RAB38: variants seen among roughly 807,000 people sequenced by gnomAD.
RAB38 encodes RAB38, member RAS oncogene family.
In RAB38, 15 loss-of-function variants were observed where a neutral mutation model predicts 18.4. The ratio of observed to expected loss-of-function variants is 0.82; its 90% CI spans 0.55 to 1.26. RAB38 has a LOEUF of 1.26. RAB38 is among the 50% of genes most tolerant of loss of function. The pLI is 0.00. For synonymous variants in RAB38, 101 were observed against 104.4 expected (o/e 0.97, Z 0.20); for missense variants, 294 against 267.4 (o/e 1.10, Z -0.69).
the RAB38 span, among the ~76,000 whole-genome samples, chr11:87,832,318 C>G: frequency 6.6e-6 from 1 of 152,114 alleles, no homozygotes; most frequent in African/African-American, 2.4e-5. Flanking sequence ...TTAAAACAAT[C>G]AATCAGTCAC....
chr11:88,037,870 CTGTTAT>C, the RAB38 span, among the ~76,000 whole-genome samples: 4 of 151,898 alleles, frequency 2.6e-5, no homozygotes, highest in African/African-American at 7.3e-5. Flanking sequence ...TTTCAATCTT[CTGTTAT>C]TGTTATTGAG....
chr11:88,032,030 A>T, the RAB38 span, among the ~76,000 whole-genome samples: 5 of 151,004 alleles, frequency 3.3e-5, no homozygotes, highest in African/African-American at 1.2e-4. Flanking sequence ...ACCAAAACAG[A>T]GATATAGATC....
the RAB38 span, among the ~76,000 whole-genome samples, chr11:87,918,247 C>T: frequency 2.0e-5 from 3 of 152,126 alleles, no homozygotes; most frequent in African/African-American, 7.2e-5. Flanking sequence ...AATAGTACTT[C>T]ATCATGTATA....
chr11:87,976,349 A>C, the RAB38 span, among the ~76,000 whole-genome samples: 1 of 143,044 alleles, frequency 7.0e-6, no homozygotes, highest in Non-Finnish European at 1.5e-5. Context: ...ATATATATAA[A>C]ATATAAATAT....
the RAB38 span, among the ~76,000 whole-genome samples, chr11:88,033,446 G>C: frequency 6.6e-6 from 1 of 151,916 alleles, no homozygotes; most frequent in South Asian, 2.1e-4. Flanking sequence ...ATGAACCTTT[G>C]ATTCCTGGTA....
the RAB38 span, among the ~76,000 whole-genome samples, chr11:87,819,703 TATATATATATATAC>T: frequency 0.32 from 2,139 of 6,712 alleles, 54 homozygotes; most frequent in African/African-American, 0.4. Context: ...TGTGTGTGTG[TATATATATATATAC>T]GTGTATGTAT....
chr11:87,971,683 C>A, the RAB38 span, among the ~76,000 whole-genome samples: 1 of 152,094 alleles, frequency 6.6e-6, no homozygotes, highest in Admixed American at 6.6e-5. Context: ...TAGACAGAGG[C>A]ATAACCAGGT....
chr11:88,031,044 T>C, the RAB38 span, among the ~76,000 whole-genome samples: 1 of 150,800 alleles, frequency 6.6e-6, no homozygotes, highest in Non-Finnish European at 1.5e-5. Flanking sequence ...TCAAGTGGGC[T>C]TCATCCCTGG....
At chr11:88,087,307 AT>A in the RAB38 span, among the ~76,000 whole-genome samples, 6 of 152,060 alleles carry the variant, frequency 3.9e-5, no homozygotes, top group East Asian at 1.2e-3. Flanking sequence ...ATCATAGAGA[AT>A]GTATTAGTCC....
chr11:88,043,444 T>C, the RAB38 span, among the ~76,000 whole-genome samples: 1 of 152,152 alleles, frequency 6.6e-6, no homozygotes, highest in African/African-American at 2.4e-5. Flanking sequence ...AGCCATCCCC[T>C]GTGACCTGCA....
chr11:88,125,673 C>G (rs1942686476), intron 2 of RAB38, among the ~76,000 whole-genome samples: 1 of 152,206 alleles, frequency 6.6e-6, no homozygotes. Flanking sequence ...GTTGCCTGTT[C>G]ACTCTGATGG....
At chr11:87,822,937 G>C in the RAB38 span, among the ~76,000 whole-genome samples, 2 of 152,070 alleles carry the variant, frequency 1.3e-5, no homozygotes, top group Non-Finnish European at 2.9e-5. Flanking sequence ...AATACAAAAA[G>C]CATTACCAAA....
chr11:87,896,269 G>C, the RAB38 span, among the ~76,000 whole-genome samples: 1 of 151,618 alleles, frequency 6.6e-6, no homozygotes, highest in Admixed American at 6.6e-5. Context: ...CCATGCCAAG[G>C]GGCCATTCAA....
chr11:88,114,159 A>G lies in RAB38; in HGVS notation c.484-19T>C. 1.2e-6 allele frequency: 2 copies of G among 1,613,318 alleles called. No individual in the cohort carries two copies. Among genetic ancestry groups the G allele is most frequent in the Admixed American group, 1.7e-5 (1 of 59,988 alleles). On this transcript the variant is annotated intron_variant, in intron 2 of 2. Coordinates refer to ENST00000243662, the MANE Select transcript of RAB38 (RefSeq NM_022337.3). ...TATTTTCCTATGAGGGAAAAAATAA[A>G]ACAGCTTTTCTTATTCAATACTCTG...
At chr11:87,878,246 C>CCTCT in the RAB38 span, among the ~76,000 whole-genome samples, 1 of 77,450 alleles carries the variant, frequency 1.3e-5, no homozygotes, top group East Asian at 2.8e-4. Flanking sequence ...TACACACACA[C>CCTCT]CTATCATCTA....
At chr11:88,127,346 C>T (rs1942711133) in intron 2 of RAB38, among the ~76,000 whole-genome samples, 1 of 152,196 alleles carries the variant, frequency 6.6e-6, no homozygotes, top group African/African-American at 2.4e-5. Flanking sequence ...CAGGCTTTCT[C>T]TTTCTCCCTC....
At chr11:87,928,482 C>A in the RAB38 span, among the ~76,000 whole-genome samples, 3 of 151,802 alleles carry the variant, frequency 2.0e-5, no homozygotes, top group African/African-American at 7.3e-5. Context: ...TTAAAGATAT[C>A]TTAAAATGCA....
At chr11:88,108,181 T>C in the RAB38 span, among the ~76,000 whole-genome samples, 2 of 152,016 alleles carry the variant, frequency 1.3e-5, no homozygotes, top group Non-Finnish European at 2.9e-5. Context: ...TCCTTGTTAA[T>C]TTTCTGTCTC....
At chr11:88,075,803 C>T in the RAB38 span, among the ~76,000 whole-genome samples, 3 of 151,348 alleles carry the variant, frequency 2.0e-5, no homozygotes, top group Admixed American at 6.6e-5. Flanking sequence ...ATGGCTTGAG[C>T]GCAGGAGTCG....
Sources: gnomAD v4.1 joint callset for allele counts (sites outside exome capture counted in the v4.1 genomes callset) on GRCh38, gnomAD v4.1.1 for gene constraint, MANE v1.5 for transcripts, NCBI Gene and HGNC (gene_info 2026-07-23, HGNC 2026-07-21) for gene names.